The following FANCI variants were observed in gnomAD, a reference collection of about 807,000 sequenced individuals.
FANCI encodes the protein FA complementation group I, also known as Fanconi anemia group I protein.
FANCI carries 156 observed loss-of-function variants against 176.1 expected under a neutral mutation model. The ratio of observed to expected loss-of-function variants is 0.89; its 90% CI spans 0.78 to 1.01. FANCI has a LOEUF of 1.01. Ranked by LOEUF, FANCI falls within the 50% of genes least tolerant of loss-of-function variation. The pLI, the probability that FANCI is intolerant of heterozygous loss-of-function variation, is 0.00. For missense variants in FANCI, 1,678 were observed against 1,534.1 expected, an observed-to-expected ratio of 1.09 and a Z score of -1.57; for synonymous variants, 613 against 541.7, an observed-to-expected ratio of 1.13 and a Z score of -1.83.
intron 10 of FANCI, among the ~76,000 whole-genome samples, chr15:89,271,637 C>T (rs1208655499): frequency 3.3e-5 from 5 of 151,990 alleles, no homozygotes; most frequent in African/African-American, 9.7e-5. Context: ...TAGCTAGGAC[C>T]GCAGGCGCAC....
At chr15:89,255,052 C>G (rs143406227) in intron 2 of FANCI, among the ~76,000 whole-genome samples, 44 of 152,272 alleles carry the variant, frequency 2.9e-4, no homozygotes, top group Non-Finnish European at 5.6e-4. Flanking sequence ...CTTTATGTTC[C>G]AGGATCCCAC....
intron 19 of FANCI, among the ~76,000 whole-genome samples, chr15:89,291,031 T>C (rs1380455702): frequency 6.6e-6 from 1 of 152,186 alleles, no homozygotes; most frequent in Non-Finnish European, 1.5e-5. Context: ...TAGAAAATTA[T>C]GTTTGAAGGC....
chr15:89,289,364 C>T (rs762139472), intron 18 of FANCI, among the ~76,000 whole-genome samples: 1 of 151,990 alleles, frequency 6.6e-6, no homozygotes, highest in Non-Finnish European at 1.5e-5. Context: ...GTGGTGCGGT[C>T]TCGGGTCTCA....
intron 2 of FANCI, among the ~76,000 whole-genome samples, chr15:89,255,524 A>G (rs1365941080): frequency 6.6e-6 from 1 of 152,198 alleles, no homozygotes; most frequent in African/African-American, 2.4e-5. Flanking sequence ...CCAATGAGGG[A>G]CAGATGGACA....
At chr15:89,275,244 T>C (rs1365227907) in intron 12 of FANCI, among the ~76,000 whole-genome samples, 2 of 152,154 alleles carry the variant, frequency 1.3e-5, no homozygotes, top group African/African-American at 4.8e-5. Flanking sequence ...GGCCTCTTTT[T>C]AAAGTGAGTA....
chr15:89,268,251 T>A, intron 9 of FANCI, 148 bp from the exon 10 acceptor site: 1 of 800,676 alleles, frequency 1.2e-6, no homozygotes. Context: ...TGCCACCACA[T>A]CGGGCTGATT....
Position 89,293,001 on chromosome 15 carries a change from T to G in FANCI, c.2229T>G (p.Ala743=). ...TSIGIKNNIC[A]FLVMGVCEVL... is the part of the protein sequence containing the mutation. Reference sequence around the variant, plus strand: ...TTGGCATAAAAAATAATATCTGTGCTTTTCTTGTGATGGGAGTTTGTGAGG... The same window carrying G: ...TTGGCATAAAAAATAATATCTGTGCGTTTCTTGTGATGGGAGTTTGTGAGG... Residue 743 remains alanine, a synonymous_variant, in exon 22 of 38, where the codon GCT becomes GCG. Transcript: ENST00000310775. 1 of 1,614,082 alleles carries G rather than the reference T, an allele frequency of 6.2e-7. No homozygotes were observed. Among genetic ancestry groups the G allele is most frequent in the Non-Finnish European group, 8.5e-7 (1 of 1,179,970 alleles).
At chr15:89,246,262 A>C (rs1042360131) in intron 1 of FANCI, among the ~76,000 whole-genome samples, 4 of 152,132 alleles carry the variant, frequency 2.6e-5, no homozygotes, top group Admixed American at 2.0e-4. Context: ...TCACCACCCT[A>C]GTACAGGTCT....
intron 2 of FANCI, among the ~76,000 whole-genome samples, chr15:89,253,111 G>A (rs1425923147): frequency 6.6e-6 from 1 of 151,946 alleles, no homozygotes. Context: ...AAACGGAATA[G>A]GATACAAAGA....
intron 26 of FANCI, among the ~76,000 whole-genome samples, chr15:89,300,899 C>G (rs952338958): frequency 6.6e-6 from 1 of 152,176 alleles, no homozygotes. Flanking sequence ...TATTCCTATC[C>G]TTATGGAGCT....
intron 18 of FANCI, among the ~76,000 whole-genome samples, chr15:89,286,376 G>A (rs201490224): frequency 2.0e-5 from 3 of 151,162 alleles, no homozygotes; most frequent in African/African-American, 7.4e-5. Flanking sequence ...TAAATCACTA[G>A]TTATTATGAC....
intron 24 of FANCI, 48 bp from the exon 25 acceptor site, chr15:89,299,752 T>C: frequency 1.3e-6 from 2 of 1,590,874 alleles, no homozygotes; most frequent in South Asian, 1.1e-5. Flanking sequence ...TGTTATTTTA[T>C]CTCGGTGAAC....
At chr15:89,290,640 C>G (rs16942965) in intron 19 of FANCI, 5,145 of 251,136 alleles carry the variant, frequency 0.02, 263 homozygotes, top group African/African-American at 0.1. Flanking sequence ...TTTCTTAAAT[C>G]TGGGTAATGG....
chr15:89,295,132 G>A, intron 24 of FANCI, 38 bp downstream of exon 24: 2 of 1,541,012 alleles, frequency 1.3e-6, no homozygotes, highest in Non-Finnish European at 1.7e-6. Context: ...TATTCCACTT[G>A]GCTGTGGTGT....
At chr15:89,268,606 G>A in intron 10 of FANCI, 81 bp downstream of exon 10, 1 of 1,548,422 alleles carries the variant, frequency 6.5e-7, no homozygotes, top group Non-Finnish European at 8.9e-7. Context: ...GCCAGTTAAT[G>A]ACAGGAAATA....
rs1477846950 is a variant in FANCI, at chr15:89,261,632, T to C, written c.336T>C (p.Phe112=). The change falls in exon 5 of 38, where the codon TTT becomes TTC. Residue 112 remains phenylalanine, a synonymous_variant. Transcript: ENST00000310775. The stretch of plus-strand genomic sequence containing the variant: ...TATTGGTTGAATTAGCCAATGAGTT[T>C]ATTAGTGCTGTCAGAGAAGGCAGCC... ...GPLLVELANE[F]ISAVREGSLV... 4 of 1,614,196 alleles carry C rather than the reference T, an allele frequency of 2.5e-6. No homozygotes were observed. The highest frequency in any genetic ancestry group is 3.4e-6 in the Non-Finnish European group (4 of 1,180,038).
chr15:89,302,267 C>G (rs1240595547), intron 27 of FANCI, among the ~76,000 whole-genome samples: 1 of 152,130 alleles, frequency 6.6e-6, no homozygotes, highest in East Asian at 1.9e-4. Flanking sequence ...TTCCTGTCGT[C>G]CTACTTCCAG....
intron 12 of FANCI, among the ~76,000 whole-genome samples, chr15:89,275,518 C>T (rs1004452797): frequency 2.0e-5 from 3 of 152,072 alleles, no homozygotes; most frequent in African/African-American, 7.2e-5. Context: ...GCCTGGAATT[C>T]TTGTTTATTA....
chr15:89,266,934 T>C (rs2052986851), intron 9 of FANCI, among the ~76,000 whole-genome samples: 1 of 151,928 alleles, frequency 6.6e-6, no homozygotes, highest in Non-Finnish European at 1.5e-5. Context: ...GCAGGTACTC[T>C]GGAGTAGTAG....
Sources: gnomAD v4.1 joint callset for allele counts (sites outside exome capture counted in the v4.1 genomes callset) on GRCh38, gnomAD v4.1.1 for gene constraint, MANE v1.5 for transcripts, NCBI Gene and HGNC (gene_info 2026-07-23, HGNC 2026-07-21) for gene names.